Variants in NXPE2 observed in about 807,000 individuals in gnomAD.
NXPE2 encodes NXPE family member 2.
Under a neutral mutation model 34.4 loss-of-function variants are expected in NXPE2, and 34 were observed. The ratio of observed to expected loss-of-function variants is 0.99; its 90% CI spans 0.75 to 1.31. The LOEUF is 1.31. Among genes scored for constraint, NXPE2 ranks in the 40% most tolerant of loss-of-function variants. NXPE2 has a pLI of 0.00. For synonymous variants in NXPE2, 235 were observed against 231.3 expected, an observed-to-expected ratio of 1.02 and a Z score of -0.15; for missense variants, 649 against 672.5, an observed-to-expected ratio of 0.97 and a Z score of 0.39.
the NXPE2 span, among the ~76,000 whole-genome samples, chr11:114,661,817 A>T: frequency 6.6e-6 from 1 of 152,244 alleles, no homozygotes; most frequent in African/African-American, 2.4e-5. Flanking sequence ...GTCAGTGAAA[A>T]GATAGACACA....
the NXPE2 span, among the ~76,000 whole-genome samples, chr11:114,586,246 T>A: frequency 6.6e-6 from 1 of 152,202 alleles, no homozygotes; most frequent in Non-Finnish European, 1.5e-5. Context: ...ACCTCTGCTC[T>A]TAAACTCACT....
At chr11:114,466,910 T>C in the NXPE2 span, among the ~76,000 whole-genome samples, 2 of 152,206 alleles carry the variant, frequency 1.3e-5, no homozygotes, top group Admixed American at 1.3e-4. Flanking sequence ...AGAATTGAGT[T>C]GGAGGCTGAA....
At chr11:114,554,525 G>T in the NXPE2 span, 1 of 277,984 alleles carries the variant, frequency 3.6e-6, no homozygotes, top group Non-Finnish European at 5.4e-6. Flanking sequence ...TTATACTGAG[G>T]TATAGTTATC....
At chr11:114,675,864 G>A (rs1950852830), upstream of NXPE2, among the ~76,000 whole-genome samples, 1 of 151,908 alleles carries the variant, frequency 6.6e-6, no homozygotes, top group African/African-American at 2.4e-5. Flanking sequence ...GCAAGCTCTA[G>A]TAATCAAAAC....
chr11:114,622,425 G>A, the NXPE2 span, among the ~76,000 whole-genome samples: 3 of 151,894 alleles, frequency 2.0e-5, no homozygotes, highest in South Asian at 2.1e-4. Flanking sequence ...TGTATAATAA[G>A]TGTTGCCTTC....
At chr11:114,545,932 A>C in the NXPE2 span, among the ~76,000 whole-genome samples, 1 of 151,706 alleles carries the variant, frequency 6.6e-6, no homozygotes, top group East Asian at 1.9e-4. Flanking sequence ...TTTGCGATCC[A>C]CCCACCTCGG....
chr11:114,543,667 T>G, the NXPE2 span, among the ~76,000 whole-genome samples: 3 of 152,086 alleles, frequency 2.0e-5, no homozygotes, highest in Non-Finnish European at 4.4e-5. Context: ...TTCCCCAATA[T>G]TGGAACCAGT....
At chr11:114,774,866 C>T in the NXPE2 span, among the ~76,000 whole-genome samples, 1 of 152,204 alleles carries the variant, frequency 6.6e-6, no homozygotes, top group Non-Finnish European at 1.5e-5. Context: ...CTTCAGGGAC[C>T]TTGACTGTGT....
the NXPE2 span, among the ~76,000 whole-genome samples, chr11:114,489,458 A>G: frequency 1.3e-5 from 2 of 152,370 alleles, no homozygotes; most frequent in African/African-American, 4.8e-5. Flanking sequence ...AAAATCTTCA[A>G]TAAAATACTG....
chr11:114,690,509 T>C (rs1330081698), intron 2 of NXPE2, among the ~76,000 whole-genome samples: 2 of 152,186 alleles, frequency 1.3e-5, no homozygotes, highest in Non-Finnish European at 1.5e-5. Context: ...ATGACCTTTT[T>C]CTCTAGCTGC....
the NXPE2 span, among the ~76,000 whole-genome samples, chr11:114,617,127 C>T: frequency 3.3e-5 from 5 of 150,616 alleles, no homozygotes; most frequent in Admixed American, 3.3e-4. Context: ...ACCACTGTTA[C>T]CCTGTGGATA....
At chr11:114,546,648 C>A in the NXPE2 span, among the ~76,000 whole-genome samples, 1 of 151,882 alleles carries the variant, frequency 6.6e-6, no homozygotes, top group Non-Finnish European at 1.5e-5. Context: ...AGCAAAGACA[C>A]CCCAATAGTA....
chr11:114,752,694 G>C, the NXPE2 span, among the ~76,000 whole-genome samples: 4 of 152,068 alleles, frequency 2.6e-5, no homozygotes, highest in African/African-American at 9.7e-5. Flanking sequence ...CAACTAGAGG[G>C]ACAGAGCTGC....
the NXPE2 span, chr11:114,570,678 C>T: frequency 6.3e-3 from 1,743 of 278,262 alleles, 7 homozygotes; most frequent in Admixed American, 8.8e-3. Flanking sequence ...GGTGTCTTGA[C>T]TTCCCATTGG....
rs952481685 is a variant in NXPE2 at position 114,706,441 on chromosome 11, T to C, written c.1191T>C (p.His397=). ...ATGGAGCTGGGATCTTTAAAACACA[T>C]GTTCTTCTGGATGTTGAAAGACATA... The part of the protein sequence containing the change: ...DHHGAGIFKT[H]VLLDVERHIL... Residue 397 remains histidine (H), a synonymous_variant, in exon 6 of 6, where the codon CAT becomes CAC. Transcript: ENST00000389586. 7.7e-6 allele frequency: 12 copies of C among 1,551,080 alleles called. No individual in the cohort carries two copies. Among genetic ancestry groups the C allele is most frequent in the Middle Eastern group, 1.7e-4 (1 of 6,012 alleles).
At chr11:114,696,340 CA>C (rs773266644) in intron 2 of NXPE2, among the ~76,000 whole-genome samples, 11,537 of 64,640 alleles carry the variant, frequency 0.18, 690 homozygotes, top group Non-Finnish European at 0.21. Flanking sequence ...TCAAAAAAAC[CA>C]AAAAAAAAAA....
intron 2 of NXPE2, among the ~76,000 whole-genome samples, chr11:114,683,906 G>A (rs1370181182): frequency 2.9e-5 from 4 of 136,594 alleles, no homozygotes; most frequent in African/African-American, 1.1e-4. Context: ...TTGACTGTGG[G>A]AGGTAAAGAG....
At chr11:114,544,353 A>T in the NXPE2 span, among the ~76,000 whole-genome samples, 1 of 152,362 alleles carries the variant, frequency 6.6e-6, no homozygotes, top group Admixed American at 6.5e-5. Context: ...CGTTATCAAG[A>T]CAATGCAGTG....
the NXPE2 span, among the ~76,000 whole-genome samples, chr11:114,503,307 A>G: frequency 1.3e-5 from 2 of 152,204 alleles, no homozygotes; most frequent in Admixed American, 1.3e-4. Flanking sequence ...CAGGTATTTG[A>G]TAAACATTTC....
Sources: allele counts gnomAD v4.1 joint callset (sites outside exome capture counted in the v4.1 genomes callset), GRCh38; gene constraint gnomAD v4.1.1; transcripts MANE v1.5; gene names NCBI Gene and HGNC (gene_info 2026-07-23, HGNC 2026-07-21).